EVL: variants seen among roughly 807,000 people sequenced by gnomAD.
EVL encodes the protein ena/VASP-like protein.
Under a neutral mutation model 59.6 loss-of-function variants are expected in EVL, and 21 were observed. The ratio of observed to expected loss-of-function variants is 0.35; its 90% CI spans 0.25 to 0.51. The LOEUF is 0.51. EVL is among the 20% of genes least tolerant of loss of function. EVL has a pLI of 0.97. For synonymous variants in EVL, 198 were observed against 203.5 expected (o/e 0.97, Z 0.23); for missense variants, 462 against 546.6 (o/e 0.85, Z 1.54).
intron 1 of EVL, among the ~76,000 whole-genome samples, chr14:100,031,866 C>T (rs573291412): frequency 2.0e-5 from 3 of 152,326 alleles, no homozygotes; most frequent in East Asian, 3.9e-4. Context: ...GGAGCTCTTT[C>T]CTTTTTGAAA....
chr14:100,143,210 C>T (rs1889299937), intron 13 of EVL, among the ~76,000 whole-genome samples: 1 of 152,084 alleles, frequency 6.6e-6, no homozygotes, highest in Non-Finnish European at 1.5e-5. Flanking sequence ...GAGGAGTGAG[C>T]AGAGCCAGGG....
intron 1 of EVL, among the ~76,000 whole-genome samples, chr14:100,006,735 C>T (rs958840950): frequency 6.6e-6 from 1 of 151,078 alleles, no homozygotes; most frequent in Non-Finnish European, 1.5e-5. Context: ...AGCTCAAACT[C>T]CATAAAGGAG....
intron 1 of EVL, among the ~76,000 whole-genome samples, chr14:99,998,544 C>A (rs994317860): frequency 1.3e-5 from 2 of 152,092 alleles, no homozygotes; most frequent in African/African-American, 4.8e-5. Context: ...ATAAAAGTTA[C>A]TAGTTTTGTA....
rs367737727 is a variant in EVL at position 100,128,600 on chromosome 14, C to T, written c.569C>T (p.Pro190Leu). Residue 190 changes from proline (P) to leucine (L), a missense_variant, in exon 6 of 14, where the codon CCC becomes CTC. Pro to Leu is a moderately conservative substitution (Grantham distance 98). Transcript: ENST00000392920. ...AGTGGGCCTCCACCGCCCCCCCCAC[C>T]CCCAGTCCCACCTCCACCCACTGGG... ...SCSGPPPPPPPPVPPPPTGAT... is the reference protein window; with the variant it reads ...SCSGPPPPPPLPVPPPPTGAT... 3 of 1,523,872 alleles carry T rather than the reference C, an allele frequency of 2.0e-6. No homozygotes were observed. The highest frequency in any genetic ancestry group is 2.8e-5 in the African/African-American group (2 of 72,580). The allele number at this position is 1,523,872 out of a possible 1,614,324, so 94.4% of individuals were successfully genotyped here. A position where few individuals can be genotyped will look rare whatever the true frequency, so the allele number is the denominator to read the frequency against.
chr14:100,023,371 ATTTTTTT>A (rs1010647617), intron 1 of EVL, among the ~76,000 whole-genome samples: 15 of 90,758 alleles, frequency 1.7e-4, no homozygotes, highest in South Asian at 3.6e-4. Flanking sequence ...AGCCCGGCTA[ATTTTTTT>A]TTTTTTTTTT....
intron 3 of EVL, among the ~76,000 whole-genome samples, chr14:100,112,701 G>A (rs935473337): frequency 2.0e-5 from 3 of 152,140 alleles, no homozygotes; most frequent in Non-Finnish European, 2.9e-5. Context: ...CACTTCTTCC[G>A]GGTGTCTGCT....
At chr14:100,098,128 C>T (rs980784333) in intron 3 of EVL, among the ~76,000 whole-genome samples, 2 of 152,174 alleles carry the variant, frequency 1.3e-5, no homozygotes, top group Admixed American at 6.5e-5. Context: ...TTTAGTTTTT[C>T]ATGGTAGACA....
In EVL at chr14:100,130,986, G is replaced by A. The variant is rs1888400637; in HGVS notation, c.839+1302G>A. On this transcript the variant is annotated intron_variant, in intron 7 of 13. Coordinates refer to ENST00000392920, the MANE Select transcript of EVL (RefSeq NM_016337.3). The surrounding 1 kb of genome is among the most constrained non-coding windows in gnomAD (Gnocchi z 4.8). The stretch of plus-strand genomic sequence containing the variant: ...GGTGAGAGAGCCGGGAGGGCTCGCA[G>A]AACGATGAGGACGTCCCGTGCTGTA... Among the ~76,000 whole-genome samples the A allele has an allele frequency of 6.6e-6, 1 of 152,250 alleles. No individual in the cohort carries two copies. The highest frequency in any genetic ancestry group is 6.5e-5 in the Admixed American group (1 of 15,286).
At chr14:100,063,255 C>T (rs1283156706), upstream of EVL, among the ~76,000 whole-genome samples, 1 of 152,156 alleles carries the variant, frequency 6.6e-6, no homozygotes. Flanking sequence ...CTGTCCACAC[C>T]GCGGTCAGAA....
intron 2 of EVL, among the ~76,000 whole-genome samples, chr14:100,090,658 G>A (rs575075833): frequency 1.2e-4 from 19 of 152,238 alleles, no homozygotes; most frequent in African/African-American, 3.1e-4. Flanking sequence ...GAATAAAGCC[G>A]GAAAACCGTA....
At chr14:99,998,243 C>A (rs568417254) in intron 1 of EVL, among the ~76,000 whole-genome samples, 1 of 151,826 alleles carries the variant, frequency 6.6e-6, no homozygotes, top group Admixed American at 6.6e-5. Context: ...TAGTCTCAAA[C>A]GCGGCTCCAG....
In EVL at chr14:100,132,737, G is replaced by C; in HGVS notation, c.858G>C (p.Gln286His). 1 of 1,614,192 alleles carries C rather than the reference G, an allele frequency of 6.2e-7. No homozygotes were observed. The highest frequency in any genetic ancestry group is 1.1e-5 in the South Asian group (1 of 91,086). Reference protein sequence around the residue: ...LLAKRRKAASQSDKPAEKKED... With the variant: ...LLAKRRKAASHSDKPAEKKED... ...TGCCTAGGAGAAAAGCAGCCTCCCAGTCAGACAAGCCAGCCGAGAAGAAGG... is the reference window on the plus strand; with the variant it reads ...TGCCTAGGAGAAAAGCAGCCTCCCACTCAGACAAGCCAGCCGAGAAGAAGG... Residue 286 changes from glutamine to histidine, a missense_variant, in exon 8 of 14, where the codon CAG becomes CAC. Coordinates refer to ENST00000392920, the MANE Select transcript of EVL (RefSeq NM_016337.3).
At chr14:99,992,158 A>G (rs1307780913) in intron 1 of EVL, among the ~76,000 whole-genome samples, 1 of 152,042 alleles carries the variant, frequency 6.6e-6, no homozygotes, top group Non-Finnish European at 1.5e-5. Flanking sequence ...ATGGGTGTGA[A>G]GTGGTATCTC....
intron 3 of EVL, chr14:100,107,103 T>A: frequency 2.5e-6 from 1 of 398,768 alleles, no homozygotes; most frequent in Non-Finnish European, 4.4e-6. Context: ...AGATGCCCGG[T>A]GCCTGGTATG....
chr14:99,976,832 C>T (rs1488929004), intron 1 of EVL, among the ~76,000 whole-genome samples: 1 of 152,184 alleles, frequency 6.6e-6, no homozygotes, highest in East Asian at 1.9e-4. Flanking sequence ...TTTAGCATTC[C>T]CTTCAGAATT....
At chr14:99,979,523 A>T (rs2060792894) in intron 1 of EVL, among the ~76,000 whole-genome samples, 1 of 151,836 alleles carries the variant, frequency 6.6e-6, no homozygotes, top group Non-Finnish European at 1.5e-5. Flanking sequence ...GTGTCTGTCG[A>T]TTCTGCATCT....
At chr14:100,126,197 C>T (rs964284282) in intron 4 of EVL, among the ~76,000 whole-genome samples, 22 of 152,230 alleles carry the variant, frequency 1.4e-4, no homozygotes, top group Admixed American at 5.9e-4. Flanking sequence ...CAGTGTGCCA[C>T]GGTGCACCAA....
At chr14:99,998,183 C>A (rs935931569) in intron 1 of EVL, among the ~76,000 whole-genome samples, 5 of 152,062 alleles carry the variant, frequency 3.3e-5, no homozygotes, top group Admixed American at 6.5e-5. Flanking sequence ...CTATGCCTAG[C>A]TAATTTTTTT....
At chr14:99,999,621 C>T (rs947546361) in intron 1 of EVL, among the ~76,000 whole-genome samples, 7 of 152,184 alleles carry the variant, frequency 4.6e-5, no homozygotes, top group Non-Finnish European at 8.8e-5. Flanking sequence ...AACACAAGAC[C>T]CTGTCTCTAA....
Sources: allele counts gnomAD v4.1 joint callset (sites outside exome capture counted in the v4.1 genomes callset), GRCh38; gene constraint gnomAD v4.1.1; non-coding constraint Gnocchi (gnomAD v3.1); transcripts MANE v1.5; gene names NCBI Gene and HGNC (gene_info 2026-07-23, HGNC 2026-07-21).